CMTR1: variants seen among roughly 807,000 people sequenced by gnomAD.
CMTR1 encodes the protein cap-specific mRNA (nucleoside-2'-O-)-methyltransferase 1.
CMTR1 carries 39 observed loss-of-function variants against 107.0 expected under a neutral mutation model. That is an observed-to-expected ratio of 0.36 (90% confidence interval 0.28 to 0.48). The LOEUF (loss-of-function observed/expected upper bound fraction) is 0.48. Ranked by LOEUF, CMTR1 falls within the 20% of genes least tolerant of loss-of-function variation. The pLI, the probability that CMTR1 is intolerant of heterozygous loss-of-function variation, is 0.99. For synonymous variants in CMTR1, 366 were observed against 379.5 expected (o/e 0.96, Z 0.41); for missense variants, 672 against 1,064.9 (o/e 0.63, Z 5.14).
intron 4 of CMTR1, among the ~76,000 whole-genome samples, chr6:37,447,742 TC>T (rs1318751471): frequency 6.6e-6 from 1 of 151,810 alleles, no homozygotes; most frequent in Non-Finnish European, 1.5e-5. Context: ...CACCTGTAAT[TC>T]CAGCTGCTAG....
At position 37,444,126 on chromosome 6, in the gene CMTR1, T is replaced by C. The variant is rs75014852; in HGVS notation, c.261T>C (p.Tyr87=). 453 of 1,614,218 alleles carry C rather than the reference T, an allele frequency of 2.8e-4. 3 individuals carry two copies. In the East Asian group the frequency reaches 9.6e-3, roughly 34 times the overall value. ...GAACTTCTTCTCGCTATTCCATGTA[T>C]AATAGCGTCTCCCAGAAGCTTATGG... is the stretch of plus-strand genomic sequence containing the variant. ...VEGTSSRYSM[Y]NSVSQKLMAK... Residue 87 remains tyrosine (Y), a synonymous_variant, in exon 3 of 24, where the codon TAT becomes TAC. Coordinates refer to ENST00000373451, the MANE Select transcript of CMTR1 (RefSeq NM_015050.3).
chr6:37,478,313 C>A, intron 21 of CMTR1, 96 bp from the exon 22 acceptor site: 2 of 942,794 alleles, frequency 2.1e-6, no homozygotes, highest in Non-Finnish European at 3.4e-6. Flanking sequence ...AAACCAGGAT[C>A]AGATACTGCA....
chr6:37,450,281 C>T lies in CMTR1; in HGVS notation c.475C>T (p.Pro159Ser). The T allele has an allele frequency of 1.2e-6, 2 of 1,614,014 alleles. No homozygotes were observed. The change falls in exon 5 of 24, where the codon CCA (proline) becomes TCA (serine). Residue 159 changes from proline to serine, a missense_variant. Pro to Ser is a moderately conservative substitution (Grantham distance 74). This residue lies in a region of CMTR1 where 583 missense variants were observed against 968.4 expected (regional missense o/e 0.60). Coordinates refer to ENST00000373451, the MANE Select transcript of CMTR1 (RefSeq NM_015050.3). ...PSACEQVSWF[P>S]ECTTEIPDTQ... Reference sequence around the variant, plus strand: ...TGCTTGTGAGCAGGTGTCATGGTTTCCAGAATGTACCACTGAAATTCCTGA... The same window carrying T: ...TGCTTGTGAGCAGGTGTCATGGTTTTCAGAATGTACCACTGAAATTCCTGA...
rs1485074441 is a variant in CMTR1 at position 37,472,804 on chromosome 6, CAT to C, written c.1689+319_1689+320del. Reference sequence around the variant, plus strand: ...CTGTGGGATTTGCCTACAAAGGAGACATAGAGTGTGGGATGATCTTAGGCAAG... The same window carrying C: ...CTGTGGGATTTGCCTACAAAGGAGACAGAGTGTGGGATGATCTTAGGCAAG... On this transcript the variant is annotated intron_variant, in intron 16 of 23. Coordinates refer to ENST00000373451, the MANE Select transcript of CMTR1 (RefSeq NM_015050.3). The surrounding 1 kb of genome is among the most constrained non-coding windows in gnomAD (Gnocchi z 4.1). Among the ~76,000 whole-genome samples, 1 of 152,164 alleles carries C rather than the reference CAT, an allele frequency of 6.6e-6. No individual in the cohort carries two copies. The highest frequency in any genetic ancestry group is 2.4e-5 in the African/African-American group (1 of 41,424).
intron 10 of CMTR1, 130 bp from the exon 11 acceptor site, chr6:37,461,419 T>TG: frequency 1.8e-6 from 1 of 558,340 alleles, no homozygotes; most frequent in Non-Finnish European, 3.2e-6. Context: ...AACACTGAGC[T>TG]GCTTCTTCAT....
intron 4 of CMTR1, among the ~76,000 whole-genome samples, chr6:37,447,576 A>AGG (rs1410055977): frequency 1.3e-5 from 2 of 152,188 alleles, no homozygotes; most frequent in Non-Finnish European, 2.9e-5. Flanking sequence ...AAATCACCCT[A>AGG]TAGGCCGGGC....
the CMTR1 span, among the ~76,000 whole-genome samples, chr6:37,427,174 C>T: frequency 6.6e-6 from 1 of 152,150 alleles, no homozygotes; most frequent in Admixed American, 6.5e-5. This position sits in a 1 kb window ranked among gnomAD's most constrained non-coding sequence, Gnocchi z 4.4. Flanking sequence ...ATTTACCATC[C>T]TTGCCTTCTT....
At chr6:37,428,597 A>G (rs1771324875), upstream of CMTR1, among the ~76,000 whole-genome samples, 1 of 152,070 alleles carries the variant, frequency 6.6e-6, no homozygotes, top group Non-Finnish European at 1.5e-5. Context: ...AGCTGGGATT[A>G]CAGATGTGTG....
chr6:37,437,194 CATT>C (rs1181422428), intron 2 of CMTR1, among the ~76,000 whole-genome samples: 1 of 150,650 alleles, frequency 6.6e-6, no homozygotes, highest in African/African-American at 2.4e-5. Context: ...TTTCTTAAAA[CATT>C]ATGAGATTTT....
chr6:37,457,300 AATG>A (rs532689926), intron 8 of CMTR1, among the ~76,000 whole-genome samples: 81 of 152,224 alleles, frequency 5.3e-4, no homozygotes, highest in African/African-American at 1.8e-3. Context: ...CCAAAATTCA[AATG>A]ATGATTAGTC....
chr6:37,450,366 C>T (rs928818646), intron 5 of CMTR1, 23 bp downstream of exon 5: 3 of 1,573,894 alleles, frequency 1.9e-6, no homozygotes, highest in Non-Finnish European at 2.6e-6. Flanking sequence ...GAAAACGTAC[C>T]CTGACTTCTT....
intron 2 of CMTR1, among the ~76,000 whole-genome samples, chr6:37,438,765 T>C (rs868809089): frequency 4.9e-4 from 75 of 152,258 alleles, no homozygotes; most frequent in African/African-American, 1.7e-3. Context: ...CATTAAGTAC[T>C]TAGCATTTAT....
chr6:37,444,240 G>A, intron 3 of CMTR1, 90 bp downstream of exon 3: 2 of 1,504,262 alleles, frequency 1.3e-6, no homozygotes, highest in Non-Finnish European at 1.8e-6. Context: ...AGAAAAGTTT[G>A]GCCATAGGTT....
Position 37,461,558 on chromosome 6 carries a change from G to A in CMTR1, c.1105G>A (p.Val369Met). The change falls in exon 11 of 24, where the codon GTG becomes ATG. Residue 369 changes from valine to methionine, a missense_variant. Around this residue, in one of 2 missense-constraint regions of CMTR1, gnomAD observed 583 missense variants for 968.4 expected, o/e 0.60. Transcript: ENST00000373451. ...TGTGCTCTCATTTCAGGGTTTCTCG[G>A]TGGAGGGGCAGGAGAACCTGCAGGA... Reference protein sequence around the residue: ...HFLMADGGFSVEGQENLQEIL... With the variant: ...HFLMADGGFSMEGQENLQEIL... 3.1e-6 allele frequency: 5 copies of A among 1,604,276 alleles called. No individual in the cohort carries two copies. The highest frequency in any genetic ancestry group is 4.3e-6 in the Non-Finnish European group (5 of 1,174,602).
intron 12 of CMTR1, 103 bp from the exon 13 acceptor site, chr6:37,462,726 C>G (rs754992437): frequency 1.7e-5 from 19 of 1,093,114 alleles, no homozygotes; most frequent in Non-Finnish European, 2.3e-5. Flanking sequence ...TAAGGTTGAA[C>G]AGGGAAGCCA....
intron 2 of CMTR1, 38 bp downstream of exon 2, chr6:37,435,800 T>G: frequency 6.5e-7 from 1 of 1,547,460 alleles, no homozygotes; most frequent in Non-Finnish European, 8.7e-7. Context: ...ACTGGCCATC[T>G]GGTTATTTGA....
At chr6:37,451,772 G>A (rs371619306) in intron 5 of CMTR1, 34 bp from the exon 6 acceptor site, 16 of 1,519,880 alleles carry the variant, frequency 1.1e-5, no homozygotes, top group Non-Finnish European at 1.4e-5. Context: ...GCAGTCACAC[G>A]TGGTCATTAC....
chr6:37,435,776 T>C lies in CMTR1; in HGVS notation c.133+14T>C, dbSNP rs757432150. The stretch of plus-strand genomic sequence containing the variant: ...ATGGAGCAAAAGGTACGTGTGCTTG[T>C]GTGGTCTGAGGCCACTGGCCATCTG... On this transcript the variant is annotated intron_variant, in intron 2 of 23. Transcript: ENST00000373451. 3 of 1,578,398 alleles carry C rather than the reference T, an allele frequency of 1.9e-6. No homozygotes were observed. Among genetic ancestry groups the C allele is most frequent in the Non-Finnish European group, 2.6e-6 (3 of 1,167,546 alleles).
intron 19 of CMTR1, 93 bp downstream of exon 19, chr6:37,475,505 CCTT>C: frequency 9.9e-7 from 1 of 1,007,256 alleles, no homozygotes; most frequent in Non-Finnish European, 1.5e-6. Flanking sequence ...CTTATCTAGG[CCTT>C]CTCTGCTTGT....
Sources: allele counts gnomAD v4.1 joint callset (sites outside exome capture counted in the v4.1 genomes callset), GRCh38; gene constraint gnomAD v4.1.1; regional missense constraint gnomAD v4.1.1; non-coding constraint Gnocchi (gnomAD v3.1); transcripts MANE v1.5; gene names NCBI Gene and HGNC (gene_info 2026-07-23, HGNC 2026-07-21).